MCCC1: variants seen among roughly 807,000 people sequenced by gnomAD.
MCCC1 encodes methylcrotonyl-CoA carboxylase subunit 1.
In MCCC1, 64 loss-of-function variants were observed where a neutral mutation model predicts 83.8. That is an observed-to-expected ratio of 0.76 (90% CI 0.62 to 0.94). The LOEUF is 0.94. Among genes scored for constraint, MCCC1 ranks in the 40% least tolerant of loss-of-function variants. The pLI, the probability that MCCC1 is intolerant of heterozygous loss-of-function variation, is 0.00. For synonymous variants in MCCC1, 322 were observed against 315.4 expected (o/e 1.02, Z -0.22); for missense variants, 807 against 904.7 (o/e 0.89, Z 1.39).
chr3:183,056,240 C>T (rs1268511063), intron 8 of MCCC1, among the ~76,000 whole-genome samples: 3 of 151,702 alleles, frequency 2.0e-5, no homozygotes, highest in Admixed American at 2.0e-4. Flanking sequence ...TATTCTACAA[C>T]ATAAGTTAAA....
chr3:183,032,465 C>A (rs1017242887), intron 14 of MCCC1, among the ~76,000 whole-genome samples: 1 of 152,246 alleles, frequency 6.6e-6, no homozygotes, highest in East Asian at 1.9e-4. Flanking sequence ...AAGATGTTTA[C>A]AAATTTTCAT....
chr3:183,102,072 T>C (rs1410926764), upstream of MCCC1, among the ~76,000 whole-genome samples: 1 of 152,262 alleles, frequency 6.6e-6, no homozygotes, highest in East Asian at 1.9e-4. Flanking sequence ...ATTCTTGAAG[T>C]CAGTGAGACC....
At chr3:183,089,335 A>C (rs1718143680) in intron 3 of MCCC1, among the ~76,000 whole-genome samples, 1 of 152,106 alleles carries the variant, frequency 6.6e-6, no homozygotes, top group East Asian at 1.9e-4. Context: ...GCTACTTAGG[A>C]GGCTGCAGCA....
chr3:183,070,053 T>G (rs1430299759), intron 7 of MCCC1, among the ~76,000 whole-genome samples: 1 of 152,200 alleles, frequency 6.6e-6, no homozygotes. Flanking sequence ...AAACAGTACT[T>G]ACCTAATGAG....
chr3:183,036,079 T>C (rs1009595755), intron 13 of MCCC1, among the ~76,000 whole-genome samples: 7 of 150,528 alleles, frequency 4.7e-5, no homozygotes, highest in Non-Finnish European at 7.4e-5. Flanking sequence ...ATGCGGTGTT[T>C]GGTTTAAAGG....
intron 1 of MCCC1, among the ~76,000 whole-genome samples, chr3:183,113,712 T>A (rs1033173563): frequency 6.0e-5 from 9 of 149,192 alleles, no homozygotes; most frequent in Non-Finnish European, 1.0e-4. Flanking sequence ...CAAAAAAAAA[T>A]AAAAAAAAAT....
intron 4 of MCCC1, among the ~76,000 whole-genome samples, chr3:183,073,137 T>C (rs902005345): frequency 2.0e-5 from 3 of 152,218 alleles, no homozygotes; most frequent in African/African-American, 7.2e-5. Context: ...ACAACAAGTA[T>C]TGGTATACAA....
chr3:183,088,276 G>A (rs1047927246), intron 3 of MCCC1, among the ~76,000 whole-genome samples: 38 of 150,266 alleles, frequency 2.5e-4, no homozygotes, highest in Admixed American at 6.7e-4. Flanking sequence ...GCGCGATCTC[G>A]GCTCACTGCA....
At chr3:183,040,843 T>C (rs895409998) in intron 11 of MCCC1, among the ~76,000 whole-genome samples, 5 of 152,188 alleles carry the variant, frequency 3.3e-5, no homozygotes, top group African/African-American at 9.7e-5. Flanking sequence ...ATTCCAGCAA[T>C]TGAAATTAAG....
intron 12 of MCCC1, among the ~76,000 whole-genome samples, chr3:183,038,776 G>A (rs1436167097): frequency 6.6e-6 from 1 of 152,200 alleles, no homozygotes; most frequent in Admixed American, 6.5e-5. Flanking sequence ...GAGTGAATAG[G>A]ATTTCACCGA....
At chr3:183,055,175 G>A (rs1014325316) in intron 8 of MCCC1, among the ~76,000 whole-genome samples, 6 of 151,678 alleles carry the variant, frequency 4.0e-5, no homozygotes, top group Admixed American at 6.6e-5. Context: ...AGGCTGAGGC[G>A]GGTGGATCAC....
intron 14 of MCCC1, among the ~76,000 whole-genome samples, chr3:183,033,690 T>C (rs940329609): frequency 6.6e-6 from 1 of 152,236 alleles, no homozygotes; most frequent in Non-Finnish European, 1.5e-5. Context: ...GAGGTTTTTT[T>C]GGGCATATTT....
chr3:183,064,587 A>G lies in MCCC1; in HGVS notation c.761+6412T>C, dbSNP rs6443847. Reference sequence around the variant, plus strand: ...CACAAGTGCAGCACCAGCGGGCTGCACGCCAGCTCCCCGGTTCGCCGGCTG... The same window carrying G: ...CACAAGTGCAGCACCAGCGGGCTGCGCGCCAGCTCCCCGGTTCGCCGGCTG... On this transcript the variant is annotated intron_variant, in intron 7 of 18. Coordinates refer to ENST00000265594, the MANE Select transcript of MCCC1 (RefSeq NM_020166.5). The surrounding 1 kb of genome is among the most constrained non-coding windows in gnomAD (Gnocchi z 4.5). Among the ~76,000 whole-genome samples, 136,245 of 152,214 alleles carry G rather than the reference A, an allele frequency of 0.9. 61,364 individuals carry two copies. Among genetic ancestry groups the G allele is most frequent in the East Asian group, 1 (5,158 of 5,158 alleles).
At chr3:183,062,021 G>A (rs893643649) in intron 7 of MCCC1, among the ~76,000 whole-genome samples, 2 of 152,170 alleles carry the variant, frequency 1.3e-5, no homozygotes, top group African/African-American at 4.8e-5. Context: ...CTTATAAAGA[G>A]CAGTTCCCCT....
intron 4 of MCCC1, among the ~76,000 whole-genome samples, chr3:183,081,848 A>G (rs1049564697): frequency 6.6e-6 from 1 of 152,156 alleles, no homozygotes; most frequent in African/African-American, 2.4e-5. Context: ...AAAGTTGTCC[A>G]TCTTGCAGCC....
chr3:183,068,051 G>A (rs922800141), intron 7 of MCCC1, among the ~76,000 whole-genome samples: 2 of 152,152 alleles, frequency 1.3e-5, no homozygotes, highest in South Asian at 4.1e-4. Context: ...CATTCAGCCT[G>A]AAGAAGTTAC....
At chr3:183,101,715 A>G (rs1016328505), upstream of MCCC1, among the ~76,000 whole-genome samples, 2 of 152,206 alleles carry the variant, frequency 1.3e-5, no homozygotes, top group African/African-American at 4.8e-5. Flanking sequence ...GTCCCATTCC[A>G]CGCTGTGGAA....
At chr3:183,075,244 T>C (rs1716981558) in intron 4 of MCCC1, among the ~76,000 whole-genome samples, 1 of 152,226 alleles carries the variant, frequency 6.6e-6, no homozygotes, top group Non-Finnish European at 1.5e-5. Context: ...ATGGGATTGC[T>C]GGGTTGAATG....
intron 3 of MCCC1, among the ~76,000 whole-genome samples, chr3:183,088,679 C>T (rs1718097017): frequency 6.6e-6 from 1 of 152,164 alleles, no homozygotes; most frequent in Admixed American, 6.5e-5. Flanking sequence ...ATATTCCTAA[C>T]TAGTCATATA....
Sources: allele counts gnomAD v4.1 joint callset (sites outside exome capture counted in the v4.1 genomes callset), GRCh38; gene constraint gnomAD v4.1.1; non-coding constraint Gnocchi (gnomAD v3.1); transcripts MANE v1.5; gene names NCBI Gene and HGNC (gene_info 2026-07-23, HGNC 2026-07-21).